The following TBC1D32 variants were observed in gnomAD, a reference collection of about 807,000 sequenced individuals.
TBC1D32 encodes protein broad-minded.
A neutral mutation model predicts 170.3 loss-of-function variants in TBC1D32; 151 were observed. The ratio of observed to expected loss-of-function variants is 0.89; its 90% CI spans 0.78 to 1.01. The LOEUF is 1.01. TBC1D32 is among the 50% of genes least tolerant of loss of function. The probability of loss-of-function intolerance (pLI) is 0.00; values close to 1 mark genes in which losing one functional copy is unlikely to be tolerated. For synonymous variants in TBC1D32, 498 were observed against 488.0 expected (o/e 1.02, Z -0.27); for missense variants, 1,464 against 1,457.1 (o/e 1.00, Z -0.08).
chr6:121,298,831 T>C (rs1806034723), intron 10 of TBC1D32, among the ~76,000 whole-genome samples: 1 of 152,110 alleles, frequency 6.6e-6, no homozygotes, highest in African/African-American at 2.4e-5. Flanking sequence ...AAGATGTTTA[T>C]TGACCCAAAG....
At chr6:121,098,505 G>A (rs889828629) in intron 30 of TBC1D32, among the ~76,000 whole-genome samples, 1 of 151,672 alleles carries the variant, frequency 6.6e-6, no homozygotes, top group Admixed American at 6.6e-5. Flanking sequence ...CACAATAAAG[G>A]TTAAAATTTT....
chr6:121,091,054 A>C lies in TBC1D32; in HGVS notation c.3466-13T>G. 1 of 1,575,592 alleles carries C rather than the reference A, an allele frequency of 6.3e-7. No individual in the cohort carries two copies. Among genetic ancestry groups the C allele is most frequent in the South Asian group, 1.2e-5 (1 of 84,610 alleles). ...ATTGCAGGCAAATCTTTAAAAAAAA[A>C]AAGTAGTAAGTTCATTAAAAAATTT... On this transcript the variant is annotated splice_polypyrimidine_tract_variant and intron_variant, in intron 30 of 31. Coordinates refer to ENST00000398212, the MANE Select transcript of TBC1D32 (RefSeq NM_152730.6).
chr6:121,248,710 T>A (rs1258106982), intron 17 of TBC1D32, among the ~76,000 whole-genome samples: 1 of 151,740 alleles, frequency 6.6e-6, no homozygotes, highest in Non-Finnish European at 1.5e-5. Context: ...CTAGAGGAGA[T>A]AAATAAATTT....
At chr6:121,277,403 G>C (rs146568907) in intron 15 of TBC1D32, among the ~76,000 whole-genome samples, 1 of 143,406 alleles carries the variant, frequency 7.0e-6, no homozygotes, top group Non-Finnish European at 1.5e-5. Context: ...CACTAGAATC[G>C]CTTGAACCCA....
chr6:121,242,173 T>C (rs1182878429), intron 18 of TBC1D32, 28 bp downstream of exon 18: 1 of 1,601,106 alleles, frequency 6.2e-7, no homozygotes, highest in African/African-American at 1.4e-5. Flanking sequence ...AAAAATTCCC[T>C]TTGCCTTTGG....
intron 31 of TBC1D32, among the ~76,000 whole-genome samples, chr6:121,089,758 A>T (rs1776614657): frequency 6.6e-6 from 1 of 152,170 alleles, no homozygotes; most frequent in Admixed American, 6.5e-5. Context: ...GTTAAATGGA[A>T]AATAACCCTG....
intron 22 of TBC1D32, among the ~76,000 whole-genome samples, chr6:121,189,617 C>G (rs1271549421): frequency 6.6e-6 from 1 of 151,932 alleles, no homozygotes; most frequent in Non-Finnish European, 1.5e-5. Flanking sequence ...AAGTAGTTTA[C>G]AGACATCTAA....
rs867734406 is a variant in TBC1D32 at position 121,291,161 on chromosome 6, G to A, written c.1372+892C>T. ...ACTTAAAGTATAATAAAAAAAAAAAGAAAGAAAGAAAACCAGGTACTCCAC... is the reference window on the plus strand; with the variant it reads ...ACTTAAAGTATAATAAAAAAAAAAAAAAAGAAAGAAAACCAGGTACTCCAC... On this transcript the variant is annotated intron_variant, in intron 12 of 31. Coordinates refer to ENST00000398212, the MANE Select transcript of TBC1D32 (RefSeq NM_152730.6). Among the ~76,000 whole-genome samples the A allele has an allele frequency of 9.2e-3, 1,328 of 144,198 alleles. 23 individuals carry two copies. The highest frequency in any genetic ancestry group is 0.03 in the African/African-American group (1,246 of 40,868). 94.6% of individuals were successfully genotyped at this position (144,198 alleles called of 152,430 possible). A position where few individuals can be genotyped will look rare whatever the true frequency, so the allele number is the denominator to read the frequency against.
chr6:121,087,585 A>G (rs909319154), intron 31 of TBC1D32, among the ~76,000 whole-genome samples: 39 of 152,196 alleles, frequency 2.6e-4, no homozygotes, highest in African/African-American at 9.2e-4. Context: ...CACTTCCTCA[A>G]TACAACTGAT....
At chr6:121,241,677 G>T in intron 18 of TBC1D32, 125 bp from the exon 19 acceptor site, 2 of 841,146 alleles carry the variant, frequency 2.4e-6, no homozygotes, top group Non-Finnish European at 3.8e-6. Flanking sequence ...TCATACCTAA[G>T]ATCTTAAAAA....
chr6:121,115,335 T>C (rs981076188), intron 26 of TBC1D32, 94 bp from the exon 27 acceptor site: 11 of 867,480 alleles, frequency 1.3e-5, no homozygotes, highest in Admixed American at 1.2e-4. Flanking sequence ...TATTTTTACA[T>C]ATTTTAATGT....
At chr6:121,172,871 T>A (rs1787246220) in intron 22 of TBC1D32, among the ~76,000 whole-genome samples, 1 of 152,212 alleles carries the variant, frequency 6.6e-6, no homozygotes, top group African/African-American at 2.4e-5. Context: ...TCCGGTTGTA[T>A]AAAGGATAGT....
chr6:121,191,622 G>C (rs1173842716), intron 22 of TBC1D32, among the ~76,000 whole-genome samples: 1 of 149,684 alleles, frequency 6.7e-6, no homozygotes, highest in Non-Finnish European at 1.5e-5. Context: ...AAATGTTCTG[G>C]ATTGCCTGCA....
At chr6:121,210,374 TCTTAA>T (rs2041279417) in intron 21 of TBC1D32, among the ~76,000 whole-genome samples, 1 of 152,214 alleles carries the variant, frequency 6.6e-6, no homozygotes, top group Non-Finnish European at 1.5e-5. Context: ...CACATAATCT[TCTTAA>T]TCAGCCTACC....
At chr6:121,232,543 C>T (rs1335575425) in intron 20 of TBC1D32, among the ~76,000 whole-genome samples, 1 of 152,076 alleles carries the variant, frequency 6.6e-6, no homozygotes, top group Admixed American at 6.6e-5. Context: ...ATTGATTCTA[C>T]CCATTCATGA....
chr6:121,331,943 T>G (rs1811275966), intron 1 of TBC1D32, among the ~76,000 whole-genome samples: 1 of 152,226 alleles, frequency 6.6e-6, no homozygotes, highest in Non-Finnish European at 1.5e-5. Context: ...TGTCAAGTCT[T>G]ACCTTTAAGA....
At chr6:121,117,472 G>A (rs867692183) in intron 26 of TBC1D32, among the ~76,000 whole-genome samples, 14 of 152,162 alleles carry the variant, frequency 9.2e-5, no homozygotes, top group Middle Eastern at 6.8e-3. Context: ...GAGGCTGAGA[G>A]GGATGGATTA....
intron 13 of TBC1D32, among the ~76,000 whole-genome samples, chr6:121,282,089 T>C (rs1385742831): frequency 6.6e-6 from 1 of 151,682 alleles, no homozygotes; most frequent in East Asian, 1.9e-4. Context: ...ACTCAAGTAT[T>C]GAGCCTACAG....
intron 22 of TBC1D32, among the ~76,000 whole-genome samples, chr6:121,201,602 T>C (rs1170772122): frequency 6.6e-6 from 1 of 151,502 alleles, no homozygotes; most frequent in African/African-American, 2.4e-5. Flanking sequence ...AAAACAGTTA[T>C]TTGAAATTCA....
Sources: gnomAD v4.1 joint callset for allele counts (sites outside exome capture counted in the v4.1 genomes callset) on GRCh38, gnomAD v4.1.1 for gene constraint, MANE v1.5 for transcripts, NCBI Gene and HGNC (gene_info 2026-07-23, HGNC 2026-07-21) for gene names.